MYO18B: variants seen among roughly 807,000 people sequenced by gnomAD.
MYO18B encodes the protein unconventional myosin-XVIIIb.
A neutral mutation model predicts 273.0 loss-of-function variants in MYO18B; 204 were observed. That is an observed-to-expected ratio of 0.75 (90% CI 0.67 to 0.84). The LOEUF is 0.84. MYO18B is among the 40% of genes least tolerant of loss of function. The pLI is 0.00. For missense variants in MYO18B, 3,212 were observed against 3,287.6 expected, an observed-to-expected ratio of 0.98 and a Z score of 0.56; for synonymous variants, 1,330 against 1,305.7, an observed-to-expected ratio of 1.02 and a Z score of -0.40.
intron 36 of MYO18B, among the ~76,000 whole-genome samples, chr22:25,948,407 TTTCC>T (rs59622689): frequency 0.17 from 20,263 of 117,394 alleles, 1,859 homozygotes; most frequent in Non-Finnish European, 0.2. Context: ...TTTTCCTGTC[TTTCC>T]TTCCTTCCTT....
At chr22:25,967,252 T>C (rs1017190382) in intron 39 of MYO18B, among the ~76,000 whole-genome samples, 93 of 152,256 alleles carry the variant, frequency 6.1e-4, no homozygotes, top group African/African-American at 2.1e-3. Flanking sequence ...ATGGCAGGAG[T>C]ATATTAAATT....
chr22:25,744,766 G>C (rs1423476680), intron 1 of MYO18B, among the ~76,000 whole-genome samples: 2 of 152,104 alleles, frequency 1.3e-5, no homozygotes, highest in Non-Finnish European at 2.9e-5. Context: ...TAAACAAAAT[G>C]AAATTAAATT....
chr22:26,038,838 C>T, the MYO18B span, among the ~76,000 whole-genome samples: 1 of 152,158 alleles, frequency 6.6e-6, no homozygotes, highest in Non-Finnish European at 1.5e-5. Context: ...ACTGTACCTT[C>T]CAAGGGCATA....
At chr22:25,905,805 A>C (rs964187257) in intron 31 of MYO18B, among the ~76,000 whole-genome samples, 2 of 152,152 alleles carry the variant, frequency 1.3e-5, no homozygotes, top group Non-Finnish European at 2.9e-5. Flanking sequence ...CACAGCTATG[A>C]ATCAGTGAAG....
At chr22:26,054,432 G>C in the MYO18B span, among the ~76,000 whole-genome samples, 1 of 152,144 alleles carries the variant, frequency 6.6e-6, no homozygotes, top group East Asian at 1.9e-4. Flanking sequence ...CTGTTACTAT[G>C]ATTAATTTGG....
At chr22:25,946,627 T>C (rs2092715779) in intron 35 of MYO18B, among the ~76,000 whole-genome samples, 1 of 152,200 alleles carries the variant, frequency 6.6e-6, no homozygotes, top group Non-Finnish European at 1.5e-5. Context: ...GCATCTGATG[T>C]GAGCTTGTTA....
At chr22:25,848,576 AGAT>A (rs2090328976) in intron 20 of MYO18B, among the ~76,000 whole-genome samples, 1 of 152,052 alleles carries the variant, frequency 6.6e-6, no homozygotes, top group Non-Finnish European at 1.5e-5. Context: ...CCACCTGGGG[AGAT>A]GATGGGCTGG....
intron 27 of MYO18B, 60 bp from the exon 28 acceptor site, chr22:25,895,096 A>G (rs765248989): frequency 2.2e-4 from 341 of 1,569,982 alleles, no homozygotes; most frequent in Non-Finnish European, 2.9e-4. Flanking sequence ...AGAGCCACTC[A>G]CACTCTTGCC....
intron 6 of MYO18B, 39 bp downstream of exon 6, chr22:25,771,023 C>T: frequency 7.1e-7 from 1 of 1,404,276 alleles, no homozygotes. Context: ...CATGAGTCCC[C>T]TGTCCCACTT....
At chr22:26,034,895 C>A (rs1179308027), downstream of MYO18B, among the ~76,000 whole-genome samples, 1 of 152,182 alleles carries the variant, frequency 6.6e-6, no homozygotes, top group Admixed American at 6.5e-5. Context: ...CAAATAGCAC[C>A]TCATGTCCTG....
intron 40 of MYO18B, among the ~76,000 whole-genome samples, chr22:25,997,097 T>C (rs1601790883): frequency 6.6e-6 from 1 of 151,268 alleles, no homozygotes; most frequent in East Asian, 1.9e-4. Flanking sequence ...CCAAGGCGGG[T>C]GGATCACTTG....
In MYO18B at chr22:25,830,722, G is replaced by A. The variant is rs538978507; in HGVS notation, c.2979+1754G>A. ...GCACAGAATCACTTCCACTGTGTTC[G>A]GTGAGTCACAACAGGTCTAAGGCTG... On this transcript the variant is annotated intron_variant, in intron 15 of 43. Transcript: ENST00000335473. Among the ~76,000 whole-genome samples, 26 of 152,268 alleles carry A rather than the reference G, an allele frequency of 1.7e-4. No homozygotes were observed. In the South Asian group the frequency reaches 4.4e-3, roughly 26 times the overall value.
chr22:25,839,546 C>A (rs1365440947), intron 17 of MYO18B, among the ~76,000 whole-genome samples: 1 of 152,148 alleles, frequency 6.6e-6, no homozygotes, highest in Non-Finnish European at 1.5e-5. Flanking sequence ...TTACTGCACC[C>A]CAGCTACAGG....
At chr22:25,937,119 A>C (rs1489291396) in intron 34 of MYO18B, among the ~76,000 whole-genome samples, 1 of 151,846 alleles carries the variant, frequency 6.6e-6, no homozygotes, top group Non-Finnish European at 1.5e-5. Flanking sequence ...TTGCTCTGTC[A>C]CCCAGGCGGG....
chr22:25,849,351 G>C (rs1392253515), intron 20 of MYO18B, among the ~76,000 whole-genome samples: 1 of 152,098 alleles, frequency 6.6e-6, no homozygotes, highest in Non-Finnish European at 1.5e-5. Flanking sequence ...TCCTAGACCT[G>C]GTTCATTTCC....
At chr22:25,916,089 A>G (rs974002057) in intron 33 of MYO18B, among the ~76,000 whole-genome samples, 1 of 152,204 alleles carries the variant, frequency 6.6e-6, no homozygotes, top group Non-Finnish European at 1.5e-5. Flanking sequence ...ATGTTTCTAG[A>G]CATTTATTAT....
chr22:25,887,128 A>T (rs960862910), intron 25 of MYO18B, among the ~76,000 whole-genome samples: 1 of 152,198 alleles, frequency 6.6e-6, no homozygotes, highest in Non-Finnish European at 1.5e-5. Context: ...CAGTCTATGA[A>T]TATAAGAGCT....
At chr22:25,808,445 A>ATG in intron 12 of MYO18B, among the ~76,000 whole-genome samples, 1 of 152,310 alleles carries the variant, frequency 6.6e-6, no homozygotes, top group African/African-American at 2.4e-5. Context: ...AAACAGCAGC[A>ATG]TGTGATGGGG....
intron 39 of MYO18B, among the ~76,000 whole-genome samples, chr22:25,978,269 G>T (rs759468189): frequency 6.6e-6 from 1 of 152,168 alleles, no homozygotes; most frequent in Non-Finnish European, 1.5e-5. Context: ...TACAGGAGGT[G>T]ATTATGGAAT....
Sources: allele counts gnomAD v4.1 joint callset (sites outside exome capture counted in the v4.1 genomes callset), GRCh38; gene constraint gnomAD v4.1.1; transcripts MANE v1.5; gene names NCBI Gene and HGNC (gene_info 2026-07-23, HGNC 2026-07-21).